CEP120: variants seen among roughly 807,000 people sequenced by gnomAD.
CEP120 encodes the protein centrosomal protein 120.
Under a neutral mutation model 126.5 loss-of-function variants are expected in CEP120, and 113 were observed. The ratio of observed to expected loss-of-function variants is 0.89; its 90% CI spans 0.77 to 1.04. The LOEUF is 1.04. Ranked by LOEUF, CEP120 falls within the 50% of genes least tolerant of loss-of-function variation. The pLI is 0.00. For missense variants in CEP120, 1,230 were observed against 1,155.7 expected (o/e 1.06, Z -0.93); for synonymous variants, 400 against 394.3 (o/e 1.01, Z -0.17).
At chr5:123,410,640 A>C (rs1273228616) in intron 4 of CEP120, among the ~76,000 whole-genome samples, 1 of 152,242 alleles carries the variant, frequency 6.6e-6, no homozygotes, top group Non-Finnish European at 1.5e-5. Context: ...ACATGCAAAA[A>C]GTGAGTCTAG....
At chr5:123,349,809 A>G in intron 19 of CEP120, 135 bp downstream of exon 19, 1 of 696,776 alleles carries the variant, frequency 1.4e-6, no homozygotes, top group South Asian at 2.2e-5. Flanking sequence ...CAGCTGGCAT[A>G]GATTTTCTAT....
At chr5:123,370,481 G>A (rs534098911) in intron 17 of CEP120, among the ~76,000 whole-genome samples, 72 of 151,302 alleles carry the variant, frequency 4.8e-4, no homozygotes, top group African/African-American at 1.7e-3. Context: ...CTTTGTTTTT[G>A]TTTTTGTTTT....
intron 18 of CEP120, among the ~76,000 whole-genome samples, chr5:123,359,190 T>C (rs1383444731): frequency 1.3e-5 from 2 of 152,048 alleles, no homozygotes; most frequent in Non-Finnish European, 2.9e-5. Flanking sequence ...ACTAAATATA[T>C]CAGCTCAGTT....
At chr5:123,382,674 G>T in intron 13 of CEP120, 63 bp downstream of exon 13, 1 of 1,468,870 alleles carries the variant, frequency 6.8e-7, no homozygotes, top group Non-Finnish European at 9.2e-7. Flanking sequence ...ACCTTGCTAC[G>T]GAGAAGGAAA....
intron 18 of CEP120, among the ~76,000 whole-genome samples, chr5:123,357,039 T>C (rs745377786): frequency 3.2e-4 from 49 of 152,166 alleles, no homozygotes; most frequent in Admixed American, 1.8e-3. Flanking sequence ...TAAATAATGC[T>C]TTTACTGGGT....
In CEP120 at chr5:123,399,221, C is replaced by T; in HGVS notation, c.527G>A (p.Gly176Asp). ...TTCTGCTGGTCCAATCTGATGGTAG[C>T]CTCCCTCTTCATTCAGCACAGCCAC... ...DIVAVLNEEG[G>D]YHQIGPAEYC... The change falls in exon 5 of 20, where the codon GGC (glycine) becomes GAC (aspartate). Residue 176 changes from glycine (G) to aspartate (D), a missense_variant. Gly to Asp is a moderately conservative substitution (Grantham distance 94). Coordinates refer to ENST00000306467, the MANE Select transcript of CEP120 (RefSeq NM_001375405.1). 6.2e-7 allele frequency: 1 copy of T among 1,613,920 alleles called. No homozygotes were observed. Among genetic ancestry groups the T allele is most frequent in the Non-Finnish European group, 8.5e-7 (1 of 1,179,812 alleles).
intron 16 of CEP120, among the ~76,000 whole-genome samples, chr5:123,375,729 T>G (rs1463113717): frequency 6.6e-6 from 1 of 152,174 alleles, no homozygotes; most frequent in Non-Finnish European, 1.5e-5. Flanking sequence ...ATCTTCCTGA[T>G]AATTGGAAGA....
chr5:123,394,899 A>C (rs918061887), intron 5 of CEP120, among the ~76,000 whole-genome samples: 1 of 152,196 alleles, frequency 6.6e-6, no homozygotes, highest in African/African-American at 2.4e-5. Flanking sequence ...AAAATTACTT[A>C]ATCACTGTGT....
At position 123,390,117 on chromosome 5, in the gene CEP120, C is replaced by G. The variant is rs775393475; in HGVS notation, c.1062G>C (p.Gln354His). 6.2e-7 allele frequency: 1 copy of G among 1,612,116 alleles called. No homozygotes were observed. The highest frequency in any genetic ancestry group is 1.7e-5 in the Admixed American group (1 of 59,716). ...TTGAATGCTCTGGCTCATGTTCATT[C>G]TGGGTCTTTAATTCAATTAAAGACT... ...DSQSLIELKT[Q>H]NEHEPEHSKK... is the part of the protein sequence containing the mutation. The change falls in exon 8 of 20, where the codon CAG (glutamine) becomes CAC (histidine). Residue 354 changes from glutamine to histidine, a missense_variant. By Grantham distance (24) the Gln-to-His change is conservative. Coordinates refer to ENST00000306467, the MANE Select transcript of CEP120 (RefSeq NM_001375405.1).
At chr5:123,352,866 A>G (rs1325941277) in intron 18 of CEP120, among the ~76,000 whole-genome samples, 1 of 151,850 alleles carries the variant, frequency 6.6e-6, no homozygotes, top group Non-Finnish European at 1.5e-5. Context: ...ATATGCTAAG[A>G]CTAACATATT....
rs56756568 is a variant in CEP120, at chr5:123,414,971, C to CAAAAAAAAAAA, written c.321+1028_321+1038dup. 6.4e-4 allele frequency among the ~76,000 whole-genome samples: 26 copies of CAAAAAAAAAAA among 40,664 alleles called. 2 individuals are homozygous for CAAAAAAAAAAA. Among genetic ancestry groups the CAAAAAAAAAAA allele is most frequent in the African/African-American group, 2.9e-3 (25 of 8,650 alleles). The allele number at this position is 40,664 out of a possible 152,430, so 26.7% of individuals were successfully genotyped here. On this transcript the variant is annotated intron_variant, in intron 3 of 19. Transcript: ENST00000306467. ...TGGGCAACAGAGCAAGACTCCATCTCAAAAAAAAAAAAAAAAAAAAAAAAA... is the reference window on the plus strand; with the variant it reads ...TGGGCAACAGAGCAAGACTCCATCTCAAAAAAAAAAAAAAAAAAAAAAAAAAAAAAAAAAAA...
chr5:123,386,852 A>T (rs1772065436), intron 9 of CEP120, among the ~76,000 whole-genome samples, 185 bp from the exon 10 acceptor site: 1 of 152,112 alleles, frequency 6.6e-6, no homozygotes, highest in South Asian at 2.1e-4. Flanking sequence ...CACATGTCCT[A>T]CCTTTTTTAT....
chr5:123,385,894 C>T (rs1005599273), intron 10 of CEP120, among the ~76,000 whole-genome samples: 9 of 152,110 alleles, frequency 5.9e-5, no homozygotes, highest in African/African-American at 2.2e-4. Flanking sequence ...TGTAAGTCAC[C>T]ATGCCAGGCC....
chr5:123,359,289 T>C (rs757761203), intron 18 of CEP120, among the ~76,000 whole-genome samples: 5 of 152,002 alleles, frequency 3.3e-5, no homozygotes, highest in Admixed American at 6.6e-5. Context: ...GGAACAAACA[T>C]ACCTACTCTG....
intron 8 of CEP120, 114 bp downstream of exon 8, chr5:123,389,810 T>C: frequency 2.1e-6 from 2 of 955,992 alleles, no homozygotes; most frequent in East Asian, 5.2e-5. Flanking sequence ...TTATTGGTTC[T>C]TAACAAACCC....
At chr5:123,407,119 A>C (rs183032638) in intron 4 of CEP120, among the ~76,000 whole-genome samples, 118 of 151,172 alleles carry the variant, frequency 7.8e-4, no homozygotes, top group Middle Eastern at 3.4e-3. Context: ...AAAAAAAAAA[A>C]CAAAAAACAA....
rs544457790 is a variant in CEP120, at chr5:123,348,693, G to C, written c.2726+1251C>G. Among the ~76,000 whole-genome samples the C allele has an allele frequency of 3.9e-5, 6 of 152,288 alleles. No individual in the cohort carries two copies. In the South Asian group the frequency reaches 1.2e-3, roughly 32 times the overall value. On this transcript the variant is annotated intron_variant, in intron 19 of 19. Transcript: ENST00000306467. ...GTTTTAAATGTAATGTGTAGGCTCT[G>C]AACTGTGTCCCTGTCAAATTCAGAT...
At chr5:123,361,709 C>T (rs946193970) in intron 18 of CEP120, among the ~76,000 whole-genome samples, 2 of 151,834 alleles carry the variant, frequency 1.3e-5, no homozygotes, top group Non-Finnish European at 2.9e-5. Flanking sequence ...TCGAAAGCTA[C>T]TGTCCAATTA....
At chr5:123,347,755 C>T (rs1313570716) in intron 19 of CEP120, among the ~76,000 whole-genome samples, 1 of 152,150 alleles carries the variant, frequency 6.6e-6, no homozygotes, top group Non-Finnish European at 1.5e-5. Flanking sequence ...AATGGATCTG[C>T]CCACCTCAGC....
Sources: gnomAD v4.1 joint callset for allele counts (sites outside exome capture counted in the v4.1 genomes callset) on GRCh38, gnomAD v4.1.1 for gene constraint, MANE v1.5 for transcripts, NCBI Gene and HGNC (gene_info 2026-07-23, HGNC 2026-07-21) for gene names.